The following POTEE variants were observed in gnomAD, a reference collection of about 807,000 sequenced individuals.
The protein encoded by POTEE is POTE ankyrin domain family member E, also known as ANKRD26-like family C member 1A.
A neutral mutation model predicts 74.2 loss-of-function variants in POTEE; 21 were observed. The ratio of observed to expected loss-of-function variants is 0.28; its 90% CI spans 0.20 to 0.41. The LOEUF (loss-of-function observed/expected upper bound fraction) is 0.41. Ranked by LOEUF, POTEE falls within the 10% of genes least tolerant of loss-of-function variation. The probability of loss-of-function intolerance (pLI) is 1.00; values close to 1 mark genes in which losing one functional copy is unlikely to be tolerated. For missense variants in POTEE, 525 were observed against 1,158.6 expected (o/e 0.45, Z 7.94); for synonymous variants, 211 against 432.8 (o/e 0.49, Z 6.36).
In POTEE at chr2:131,223,014, T is replaced by C. The variant is rs537280222; in HGVS notation, c.522-582T>C. On this transcript the variant is annotated intron_variant, in intron 4 of 17. Transcript: ENST00000683005. ...ATAGTAAATCATGAATTGTAAGTGG[T>C]ATTTCAGTGGAGACAACATGGAGAC... Among the ~76,000 whole-genome samples, 532 of 151,882 alleles carry C rather than the reference T, an allele frequency of 3.5e-3. 3 individuals carry two copies. The highest frequency in any genetic ancestry group is 6.0e-3 in the Admixed American group (92 of 15,242).
intron 9 of POTEE, among the ~76,000 whole-genome samples, chr2:131,234,049 T>G (rs1303070370): frequency 6.6e-6 from 1 of 151,096 alleles, no homozygotes; most frequent in Non-Finnish European, 1.5e-5. Context: ...TGACTCTCAC[T>G]AATAAGACTT....
rs1328494221 is a variant in POTEE, at chr2:131,230,853, C to CT, written c.1074dup (p.Asp359Ter). 7.3e-7 allele frequency: 1 copy of CT among 1,364,484 alleles called. No individual in the cohort carries two copies. Among genetic ancestry groups the CT allele is most frequent in the Non-Finnish European group, 1.0e-6 (1 of 990,748 alleles). 84.5% of individuals were successfully genotyped at this position (1,364,484 alleles called of 1,614,324 possible). On this transcript the variant is annotated frameshift_variant, in exon 9 of 18. Coordinates refer to ENST00000683005, the MANE Select transcript of POTEE (RefSeq NM_001083538.3). LOFTEE classifies it high-confidence loss of function. ...ATACATAGAATTTGCCAGTTACTTT[C>CT]TGACTACAAAGAAAAACAGATGCTA...
rs572380570 is a variant in POTEE, at chr2:131,263,605, G to A, written c.2150G>A (p.Cys717Tyr). 1.3e-3 allele frequency: 2,059 copies of A among 1,597,472 alleles called. 11 individuals are homozygous for A. The African/African-American group carries it at 0.023, about 18-fold the overall frequency. Residue 717 changes from cysteine to tyrosine, a missense_variant, in exon 18 of 18, where the codon TGC becomes TAC. Cys to Tyr is a radical substitution (Grantham distance 194, BLOSUM62 -2). Coordinates refer to ENST00000683005, the MANE Select transcript of POTEE (RefSeq NM_001083538.3). ...GTCATTGACAACGGCTCTGGCATGT[G>A]CAAGGCCGGCTTTGCGGGCGACGAT... ...VLVIDNGSGM[C>Y]KAGFAGDDAP...
rs1163533169 is a variant in POTEE, at chr2:131,211,542, C to CTTTTT, written c.-189+383_-189+387dup. On this transcript the variant is annotated intron_variant, in intron 2 of 17. Coordinates refer to ENST00000683005, the MANE Select transcript of POTEE (RefSeq NM_001083538.3). The stretch of plus-strand genomic sequence containing the variant: ...TGACTGTGTGTGTGTGTGTGTGTGG[C>CTTTTT]TTTTTTTTTTTTTTTTTTTTTTTTT... 5.3e-4 allele frequency among the ~76,000 whole-genome samples: 6 copies of CTTTTT among 11,378 alleles called. 2 individuals carry two copies. The highest frequency in any genetic ancestry group is 1.0e-3 in the Non-Finnish European group (6 of 5,996). The allele number at this position is 11,378 out of a possible 152,430, so 7.5% of individuals were successfully genotyped here. A position where few individuals can be genotyped will look rare whatever the true frequency, so the allele number is the denominator to read the frequency against.
At chr2:131,229,294 C>G (rs1700875320) in intron 8 of POTEE, among the ~76,000 whole-genome samples, 2 of 152,068 alleles carry the variant, frequency 1.3e-5, no homozygotes, top group Non-Finnish European at 2.9e-5. Context: ...TGTTTGTTTC[C>G]TCTTTGCTAC....
At chr2:131,220,733 A>G (rs1371339289) in intron 4 of POTEE, among the ~76,000 whole-genome samples, 1 of 151,984 alleles carries the variant, frequency 6.6e-6, no homozygotes, top group Non-Finnish European at 1.5e-5. Flanking sequence ...AGGCTGAGGC[A>G]GGTGGATCAT....
intron 9 of POTEE, among the ~76,000 whole-genome samples, chr2:131,235,876 A>C (rs543727142): frequency 1.3e-5 from 2 of 152,046 alleles, no homozygotes; most frequent in African/African-American, 4.8e-5. Flanking sequence ...TATTGGGAAG[A>C]CATTGTACAC....
chr2:131,228,808 C>T (rs1406163624), intron 8 of POTEE, among the ~76,000 whole-genome samples: 14 of 146,264 alleles, frequency 9.6e-5, no homozygotes, highest in Non-Finnish European at 1.9e-4. Context: ...TTCACTAAAT[C>T]CAAGGAAGAC....
At chr2:131,211,541 G>GTGTGTGTGTGTGTGTGTGGTTTT (rs1700358185) in intron 2 of POTEE, among the ~76,000 whole-genome samples, 1 of 7,552 alleles carries the variant, frequency 1.3e-4, no homozygotes, top group Non-Finnish European at 5.1e-4. Context: ...TGTGTGTGTG[G>GTGTGTGTGTGTGTGTGTGGTTTT]CTTTTTTTTT....
rs534350048 is a variant in POTEE, at chr2:131,209,620, C to G, written c.-544C>G. The stretch of plus-strand genomic sequence containing the variant: ...TGGAGCCTCGGACACTGGCTCACTG[C>G]AGTTGGTGGTGTCCACAGAGCGGTA... On this transcript the variant is annotated 5_prime_UTR_variant, in exon 1 of 18. Transcript: ENST00000683005. 6.6e-6 allele frequency among the ~76,000 whole-genome samples: 1 copy of G among 152,156 alleles called. No individual in the cohort carries two copies. Among genetic ancestry groups the G allele is most frequent in the African/African-American group, 2.4e-5 (1 of 41,432 alleles).
Position 131,263,843 on chromosome 2 carries a change from G to T in POTEE, c.2388G>T (p.Val796=), listed in dbSNP as rs1286603927. The change falls in exon 18 of 18, where the codon GTG becomes GTT. Residue 796 remains valine, a synonymous_variant. Coordinates refer to ENST00000683005, the MANE Select transcript of POTEE (RefSeq NM_001083538.3). The part of the protein sequence containing the change: ...WHHTFYNELR[V]APEEHPILLT... ...ACACCTTCTACAACGAGCTGCGTGT[G>T]GCTCCCGAGGAGCACCCCATCCTGC... The T allele has an allele frequency of 6.2e-7, 1 of 1,614,162 alleles. No individual in the cohort carries two copies. The highest frequency in any genetic ancestry group is 1.3e-5 in the African/African-American group (1 of 75,042).
chr2:131,218,573 C>G lies in POTEE; in HGVS notation c.171C>G (p.Leu57=). The G allele has an allele frequency of 1.9e-6, 3 of 1,612,724 alleles. No homozygotes were observed. Among genetic ancestry groups the G allele is most frequent in the Non-Finnish European group, 2.5e-6 (3 of 1,179,758 alleles). The change falls in exon 4 of 18, where the codon CTC becomes CTG. Residue 57 remains leucine, a synonymous_variant. Coordinates refer to ENST00000683005, the MANE Select transcript of POTEE (RefSeq NM_001083538.3). ...ACGACGACTCTGCTATGAAGACACT[C>G]AGGAGCAAGATGGGCAAGTGGTGCC... ...GDHDDSAMKT[L]RSKMGKWCHH... is the part of the protein sequence containing the mutation.
At chr2:131,261,161 TCCATCTGTTTACAG>T (rs1298017210) in intron 16 of POTEE, among the ~76,000 whole-genome samples, 1 of 149,064 alleles carries the variant, frequency 6.7e-6, no homozygotes, top group African/African-American at 2.5e-5. Flanking sequence ...CAAGTGAAGC[TCCATCTGTTTACAG>T]CCACTCTCTG....
At chr2:131,225,382 AACAACAACAACAACG>A (rs1700749564) in intron 6 of POTEE, among the ~76,000 whole-genome samples, 1 of 77,284 alleles carries the variant, frequency 1.3e-5, no homozygotes, top group Admixed American at 1.5e-4. Flanking sequence ...TGTCTCTAAC[AACAACAACAACAACG>A]ACAACAACAA....
Position 131,264,897 on chromosome 2 carries a change from C to G in POTEE, c.*214C>G. On this transcript the variant is annotated 3_prime_UTR_variant, in exon 18 of 18. Coordinates refer to ENST00000683005, the MANE Select transcript of POTEE (RefSeq NM_001083538.3). Reference sequence around the variant, plus strand: ...CAAAGTTCTACAATGTTGCCAAGGACTTTGATTGTACATTGTTCTTCTTTT... The same window carrying G: ...CAAAGTTCTACAATGTTGCCAAGGAGTTTGATTGTACATTGTTCTTCTTTT... The G allele has an allele frequency of 1.1e-6, 1 of 934,862 alleles. No individual in the cohort carries two copies. The highest frequency in any genetic ancestry group is 1.6e-6 in the Non-Finnish European group (1 of 628,984). 57.9% of individuals were successfully genotyped at this position (934,862 alleles called of 1,614,324 possible).
intron 6 of POTEE, among the ~76,000 whole-genome samples, 156 bp downstream of exon 6, chr2:131,224,199 T>C (rs950076141): frequency 6.6e-6 from 1 of 152,058 alleles, no homozygotes; most frequent in Non-Finnish European, 1.5e-5. Flanking sequence ...ATTTTAAATA[T>C]TGTTACTTTC....
At chr2:131,216,704 A>G (rs1396781392) in intron 2 of POTEE, among the ~76,000 whole-genome samples, 3 of 146,506 alleles carry the variant, frequency 2.0e-5, no homozygotes, top group African/African-American at 7.4e-5. Context: ...TGTCCATAAA[A>G]TAAAATATTA....
At chr2:131,225,523 A>C (rs1348034990) in intron 6 of POTEE, among the ~76,000 whole-genome samples, 1 of 143,840 alleles carries the variant, frequency 7.0e-6, no homozygotes, top group Non-Finnish European at 1.5e-5. Flanking sequence ...TTGGGGTTGG[A>C]TATGTGCTGA....
At chr2:131,234,983 CT>C (rs1701083559) in intron 9 of POTEE, among the ~76,000 whole-genome samples, 1 of 130,032 alleles carries the variant, frequency 7.7e-6, no homozygotes, top group African/African-American at 3.1e-5. Flanking sequence ...CACTCTCCAT[CT>C]TTAGGCCTTT....
Sources: allele counts gnomAD v4.1 joint callset (sites outside exome capture counted in the v4.1 genomes callset), GRCh38; gene constraint gnomAD v4.1.1; transcripts MANE v1.5; gene names NCBI Gene and HGNC (gene_info 2026-07-23, HGNC 2026-07-21).